Variants in ITGA2 observed in about 807,000 individuals in gnomAD.
ITGA2 encodes the protein integrin subunit alpha 2.
In ITGA2, 101 loss-of-function variants were observed where a neutral mutation model predicts 146.3. The observed-to-expected ratio is 0.69, with a 90% confidence interval of 0.59 to 0.81. The LOEUF (loss-of-function observed/expected upper bound fraction) is 0.81. Ranked by LOEUF, ITGA2 falls within the 40% of genes least tolerant of loss-of-function variation. ITGA2 has a pLI of 0.00. For missense variants in ITGA2, 1,281 were observed against 1,402.7 expected (o/e 0.91, Z 1.39); for synonymous variants, 477 against 487.1 (o/e 0.98, Z 0.27).
intron 1 of ITGA2, among the ~76,000 whole-genome samples, chr5:53,019,051 G>A (rs1192623606): frequency 1.3e-5 from 2 of 151,296 alleles, no homozygotes; most frequent in Non-Finnish European, 2.9e-5. Context: ...GTAACAGAGC[G>A]AGACTCCAGT....
intron 1 of ITGA2, among the ~76,000 whole-genome samples, chr5:53,023,331 A>T (rs567572553): frequency 4.6e-5 from 7 of 152,182 alleles, no homozygotes; most frequent in Non-Finnish European, 8.8e-5. Flanking sequence ...GGTGCCTGGG[A>T]TGAACTTTGC....
chr5:53,051,737 G>T (rs1744378838), intron 7 of ITGA2, among the ~76,000 whole-genome samples, 178 bp downstream of exon 7: 1 of 152,050 alleles, frequency 6.6e-6, no homozygotes, highest in African/African-American at 2.4e-5. Flanking sequence ...CTTTGAGAAG[G>T]CAGCTGGGAA....
chr5:53,041,214 C>T (rs1743783887), intron 2 of ITGA2, among the ~76,000 whole-genome samples: 1 of 152,036 alleles, frequency 6.6e-6, no homozygotes, highest in African/African-American at 2.4e-5. Context: ...GATACCTGGG[C>T]TCTTTCTGTG....
At chr5:53,026,954 C>CT in intron 2 of ITGA2, 86 bp downstream of exon 2, 1 of 1,194,002 alleles carries the variant, frequency 8.4e-7, no homozygotes, top group Non-Finnish European at 1.2e-6. Flanking sequence ...AAATTGGTGC[C>CT]TGACTGTACT....
At chr5:53,010,760 G>A (rs152089) in intron 1 of ITGA2, among the ~76,000 whole-genome samples, 16,506 of 152,168 alleles carry the variant, frequency 0.11, 1,138 homozygotes, top group South Asian at 0.19. Flanking sequence ...GAGTATAGTG[G>A]CTCCCAAAAA....
At chr5:53,035,763 G>A (rs1225814032) in intron 2 of ITGA2, among the ~76,000 whole-genome samples, 1 of 152,040 alleles carries the variant, frequency 6.6e-6, no homozygotes, top group Non-Finnish European at 1.5e-5. Flanking sequence ...TGTGTTGTCC[G>A]TGGCCTGGAA....
chr5:53,014,174 T>C (rs1423479023), intron 1 of ITGA2, among the ~76,000 whole-genome samples: 2 of 152,138 alleles, frequency 1.3e-5, no homozygotes, highest in African/African-American at 2.4e-5. Context: ...CCTCGTCTTG[T>C]TCTGGTTCTC....
At chr5:52,992,727 A>G (rs1741038210) in intron 1 of ITGA2, among the ~76,000 whole-genome samples, 1 of 152,154 alleles carries the variant, frequency 6.6e-6, no homozygotes, top group Non-Finnish European at 1.5e-5. Flanking sequence ...CACTAATGAT[A>G]TCTTTCTAAG....
chr5:53,046,174 G>T (rs1261446335), intron 4 of ITGA2, among the ~76,000 whole-genome samples: 1 of 130,088 alleles, frequency 7.7e-6, no homozygotes, highest in African/African-American at 3.0e-5. Context: ...CAGCCTAAGC[G>T]ACAGAGTGAG....
intron 1 of ITGA2, among the ~76,000 whole-genome samples, chr5:53,003,174 T>G (rs1741673309): frequency 6.6e-6 from 1 of 152,196 alleles, no homozygotes; most frequent in Non-Finnish European, 1.5e-5. Context: ...TTGTCTTTTA[T>G]TCCCCACAGG....
chr5:52,999,709 C>T (rs2111686635), intron 1 of ITGA2, among the ~76,000 whole-genome samples: 2 of 152,234 alleles, frequency 1.3e-5, no homozygotes, highest in Middle Eastern at 6.8e-3. Flanking sequence ...GAGATGTTAC[C>T]TCATTCTTCA....
intron 1 of ITGA2, among the ~76,000 whole-genome samples, chr5:53,009,168 A>C (rs1476603276): frequency 6.6e-6 from 1 of 152,086 alleles, no homozygotes; most frequent in Non-Finnish European, 1.5e-5. Flanking sequence ...TCATAAACAC[A>C]ATGCTAAGAA....
chr5:53,000,891 C>CTTTTTTTTTTTTTTTTTTTTTTT (rs1407616111), intron 1 of ITGA2, among the ~76,000 whole-genome samples: 1 of 105,116 alleles, frequency 9.5e-6, no homozygotes, highest in African/African-American at 3.5e-5. Flanking sequence ...TTTTCTTTTT[C>CTTTTTTTTTTTTTTTTTTTTTTT]TTTTTGTTTT....
In ITGA2 at chr5:53,039,952, A is replaced by C. The variant is rs12654447; in HGVS notation, c.186-2160A>C. On this transcript the variant is annotated intron_variant, in intron 2 of 29. Transcript: ENST00000296585. ...ATGTACCTTTCCTCTCTAGTGAGGGATTTAGTCAGTAGGAAGGCAGCTATG... is the reference window on the plus strand; with the variant it reads ...ATGTACCTTTCCTCTCTAGTGAGGGCTTTAGTCAGTAGGAAGGCAGCTATG... Among the ~76,000 whole-genome samples, 260 of 151,764 alleles carry C rather than the reference A, an allele frequency of 1.7e-3. 12 individuals are homozygous for C. In the East Asian group the frequency reaches 0.038, roughly 22 times the overall value.
chr5:53,051,333 G>A, intron 6 of ITGA2, 78 bp from the exon 7 acceptor site: 2 of 1,487,294 alleles, frequency 1.3e-6, no homozygotes, highest in South Asian at 1.2e-5. Context: ...ATGTACTTTT[G>A]ATTTTTATTT....
rs117542326 is a variant in ITGA2, at chr5:53,069,364, A to T, written c.2084-745A>T. ...GAGGGTAAGTAAATTGCCCCAAGTC[A>T]CAGAGCTCATAAACAGCAGAATTAG... is the stretch of plus-strand genomic sequence containing the variant. On this transcript the variant is annotated intron_variant, in intron 16 of 29. Coordinates refer to ENST00000296585, the MANE Select transcript of ITGA2 (RefSeq NM_002203.4). Among the ~76,000 whole-genome samples, 29 of 152,032 alleles carry T rather than the reference A, an allele frequency of 1.9e-4. No homozygotes were observed. In the East Asian group the frequency reaches 5.3e-3, roughly 28 times the overall value.
chr5:53,055,240 A>C (rs1205985892), intron 7 of ITGA2, among the ~76,000 whole-genome samples: 2 of 152,148 alleles, frequency 1.3e-5, no homozygotes, highest in African/African-American at 4.8e-5. Flanking sequence ...CATACTGATT[A>C]ATTCAACTTT....
intron 1 of ITGA2, among the ~76,000 whole-genome samples, chr5:53,005,753 T>A (rs1239965936): frequency 2.0e-5 from 3 of 152,128 alleles, no homozygotes; most frequent in East Asian, 1.9e-4. Context: ...ATATGCATTG[T>A]CTGACCACAA....
At chr5:53,052,976 G>A (rs1402087971) in intron 7 of ITGA2, among the ~76,000 whole-genome samples, 1 of 152,068 alleles carries the variant, frequency 6.6e-6, no homozygotes, top group Non-Finnish European at 1.5e-5. Context: ...TTTATTTGGA[G>A]TGTTGGCTCA....
Sources: gnomAD v4.1 joint callset for allele counts (sites outside exome capture counted in the v4.1 genomes callset) on GRCh38, gnomAD v4.1.1 for gene constraint, MANE v1.5 for transcripts, NCBI Gene and HGNC (gene_info 2026-07-23, HGNC 2026-07-21) for gene names.